PAXBP1: variants seen among roughly 807,000 people sequenced by gnomAD.
The protein encoded by PAXBP1 is PAX3 and PAX7 binding protein 1.
PAXBP1 carries 44 observed loss-of-function variants against 119.9 expected under a neutral mutation model. That is an observed-to-expected ratio of 0.37 (90% CI 0.29 to 0.47). The LOEUF (loss-of-function observed/expected upper bound fraction) is 0.47, where lower values mean the gene tolerates loss of function less well. PAXBP1 is among the 20% of genes least tolerant of loss of function. PAXBP1 has a pLI of 0.99. For missense variants in PAXBP1, 898 were observed against 1,134.1 expected, an observed-to-expected ratio of 0.79 and a Z score of 2.99; for synonymous variants, 393 against 406.6, an observed-to-expected ratio of 0.97 and a Z score of 0.40.
At chr21:32,762,856 A>C (rs1439275083) in intron 3 of PAXBP1, among the ~76,000 whole-genome samples, 3 of 150,052 alleles carry the variant, frequency 2.0e-5, no homozygotes, top group African/African-American at 4.9e-5. Flanking sequence ...GGTTGCAGTG[A>C]GCCGAGATTG....
In PAXBP1 at chr21:32,755,292, C is replaced by T; in HGVS notation, c.1445G>A (p.Arg482His). The part of the protein sequence containing the change: ...IHQLYKQRAS[R>H]LVQRRQDDIK... ...ATCATCTTGTCGTCTTTGGACAAGG[C>T]GGGAAGCTCGCTGTTTGTACAGCTG... The change falls in exon 8 of 18, where the codon CGC becomes CAC. Residue 482 changes from arginine to histidine, a missense_variant. This residue lies in a region of PAXBP1 where 599 missense variants were observed against 852.7 expected (regional missense o/e 0.70). Coordinates refer to ENST00000331923, the MANE Select transcript of PAXBP1 (RefSeq NM_016631.4). The T allele has an allele frequency of 6.2e-7, 1 of 1,613,444 alleles. No individual in the cohort carries two copies. Among genetic ancestry groups the T allele is most frequent in the Non-Finnish European group, 8.5e-7 (1 of 1,179,656 alleles).
At chr21:32,764,628 A>G in intron 2 of PAXBP1, 104 bp from the exon 3 acceptor site, 1 of 858,694 alleles carries the variant, frequency 1.2e-6, no homozygotes, top group Non-Finnish European at 1.7e-6. Context: ...AATTAAAAAA[A>G]GGGGAACTTT....
At chr21:32,756,461 A>G (rs1458829423) in intron 7 of PAXBP1, 2 of 485,458 alleles carry the variant, frequency 4.1e-6, no homozygotes, top group Non-Finnish European at 8.1e-6. Context: ...TTGCAAAAGT[A>G]GCAAATGTTC....
chr21:32,763,483 T>G (rs1429494744), intron 3 of PAXBP1, among the ~76,000 whole-genome samples: 1 of 152,190 alleles, frequency 6.6e-6, no homozygotes, highest in Non-Finnish European at 1.5e-5. Context: ...AGACTGCCAC[T>G]AGTGATGTAT....
At chr21:32,763,815 A>T (rs1314779392) in intron 3 of PAXBP1, among the ~76,000 whole-genome samples, 1 of 151,976 alleles carries the variant, frequency 6.6e-6, no homozygotes, top group Non-Finnish European at 1.5e-5. Flanking sequence ...GAGAAACCCC[A>T]TCTCTACTAA....
chr21:32,748,682 T>C lies in PAXBP1; in HGVS notation c.1740A>G (p.Glu580=), dbSNP rs759918754. The stretch of plus-strand genomic sequence containing the variant: ...GGACATCTTCAAAAACTTTGCCGGA[T>C]TCTTTTGAAATTCGATCTAAAAACA... ...FNLEKDRISK[E]SGKVFEDVLE... is the part of the protein sequence containing the mutation. Residue 580 remains glutamate (E), a synonymous_variant, in exon 11 of 18, where the codon GAA becomes GAG. Transcript: ENST00000331923. 35 of 1,610,538 alleles carry C rather than the reference T, an allele frequency of 2.2e-5. No individual in the cohort carries two copies. Among genetic ancestry groups the C allele is most frequent in the Admixed American group, 6.7e-5 (4 of 59,918 alleles).
Position 32,771,312 on chromosome 21 carries a change from A to G in PAXBP1, c.343+14T>C, listed in dbSNP as rs571763744. 74 of 1,572,202 alleles carry G rather than the reference A, an allele frequency of 4.7e-5. No individual in the cohort carries two copies. Among genetic ancestry groups the G allele is most frequent in the South Asian group, 2.9e-4 (26 of 89,834 alleles). ...GATGCGGCCGTCTAAGGGCGTCCGA[A>G]GCGCGCACTTTACCTTCCTCCTCGT... On this transcript the variant is annotated intron_variant, in intron 1 of 17. Transcript: ENST00000331923.
At position 32,771,557 on chromosome 21, in the gene PAXBP1, T is replaced by C. The variant is rs750353318; in HGVS notation, c.112A>G (p.Thr38Ala). Reference protein sequence around the residue: ...EPPPLLPPPGTGEEAGPGGGD... With the variant: ...EPPPLLPPPGAGEEAGPGGGD... ...CCACCGGGGCCCGCCTCTTCGCCCGTGCCCGGCGGCGGCAACAACGGCGGC... is the reference window on the plus strand; with the variant it reads ...CCACCGGGGCCCGCCTCTTCGCCCGCGCCCGGCGGCGGCAACAACGGCGGC... Residue 38 changes from threonine (T) to alanine (A), a missense_variant, in exon 1 of 18, where the codon ACG (threonine) becomes GCG (alanine). Physicochemically the swap from Thr to Ala is moderately conservative, Grantham distance 58. This residue lies in a region of PAXBP1 where 299 missense variants were observed against 281.4 expected (regional missense o/e 1.06). Transcript: ENST00000331923. 2 of 1,417,864 alleles carry C rather than the reference T, an allele frequency of 1.4e-6. No homozygotes were observed. Among genetic ancestry groups the C allele is most frequent in the South Asian group, 2.8e-5 (2 of 70,320 alleles). 87.8% of individuals were successfully genotyped at this position (1,417,864 alleles called of 1,614,324 possible).
At chr21:32,766,118 G>A (rs772508290) in intron 2 of PAXBP1, among the ~76,000 whole-genome samples, 5 of 152,154 alleles carry the variant, frequency 3.3e-5, no homozygotes, top group Admixed American at 6.5e-5. Context: ...CTGAGCAACA[G>A]AACGAGATTC....
Position 32,744,836 on chromosome 21 carries a change from T to C in PAXBP1, c.2146A>G (p.Asn716Asp). 1.2e-6 allele frequency: 2 copies of C among 1,606,020 alleles called. No individual in the cohort carries two copies. The highest frequency in any genetic ancestry group is 1.7e-6 in the Non-Finnish European group (2 of 1,175,230). Residue 716 changes from asparagine to aspartate, a missense_variant, in exon 13 of 18, where the codon AAT becomes GAT. Asn to Asp is a conservative substitution (Grantham distance 23, BLOSUM62 1). Transcript: ENST00000331923. ...RMVGITLKLI[N>D]GYPSVVNAEN... is the part of the protein sequence containing the mutation. ...GCATTCACTACTGAAGGATATCCAT[T>C]GATTAATTTTAGTGTAATTCCCACC...
At chr21:32,755,571 T>C (rs983781342) in intron 7 of PAXBP1, 14 of 390,852 alleles carry the variant, frequency 3.6e-5, no homozygotes, top group Non-Finnish European at 6.3e-5. Flanking sequence ...CAGTGCCTAG[T>C]TATTGGAGCA....
At chr21:32,745,260 C>T (rs879757949) in intron 12 of PAXBP1, among the ~76,000 whole-genome samples, 4 of 152,160 alleles carry the variant, frequency 2.6e-5, no homozygotes, top group Non-Finnish European at 4.4e-5. Flanking sequence ...CTTATGAAAG[C>T]ATTTTAATTG....
chr21:32,756,489 A>G, intron 7 of PAXBP1: 1 of 464,152 alleles, frequency 2.2e-6, no homozygotes, highest in South Asian at 1.6e-5. Flanking sequence ...GGTCAAACTA[A>G]TGGAGTTATT....
chr21:32,748,835 C>A, intron 10 of PAXBP1, 137 bp from the exon 11 acceptor site: 1 of 678,620 alleles, frequency 1.5e-6, no homozygotes, highest in Non-Finnish European at 2.3e-6. Context: ...TTGTTAGTCA[C>A]AATTTAGAAG....
In PAXBP1 at chr21:32,748,605, C is replaced by T. The variant is rs778713949; in HGVS notation, c.1817G>A (p.Arg606His). The change falls in exon 11 of 18, where the codon CGT becomes CAT. Residue 606 changes from arginine (R) to histidine (H), a missense_variant. Transcript: ENST00000331923. ...TTTGTAGGATGTGTAGTATTTTGAA[C>T]GCCATGCTTCAAACTGTGATTTAAT... Reference protein sequence around the residue: ...DCIKSQFEAWRSKYYTSYKDA... With the variant: ...DCIKSQFEAWHSKYYTSYKDA... The T allele has an allele frequency of 4.3e-6, 7 of 1,613,780 alleles. No individual in the cohort carries two copies. The highest frequency in any genetic ancestry group is 1.3e-5 in the African/African-American group (1 of 74,878).
chr21:32,769,066 C>T (rs2044289906), intron 2 of PAXBP1, among the ~76,000 whole-genome samples: 1 of 152,172 alleles, frequency 6.6e-6, no homozygotes, highest in Admixed American at 6.5e-5. Flanking sequence ...GAGATATTGT[C>T]TTCACATCTA....
intron 15 of PAXBP1, among the ~76,000 whole-genome samples, chr21:32,739,188 G>A (rs1265355081): frequency 6.6e-6 from 1 of 152,222 alleles, no homozygotes; most frequent in Non-Finnish European, 1.5e-5. Flanking sequence ...AGCTAGTACT[G>A]TTACAGATGC....
In PAXBP1 at chr21:32,771,315, G is replaced by T. The variant is rs2044342110; in HGVS notation, c.343+11C>A. 1.3e-6 allele frequency: 2 copies of T among 1,573,408 alleles called. No homozygotes were observed. The highest frequency in any genetic ancestry group is 1.7e-5 in the Admixed American group (1 of 58,312). On this transcript the variant is annotated intron_variant, in intron 1 of 17. Transcript: ENST00000331923. ...GCGGCCGTCTAAGGGCGTCCGAAGC[G>T]CGCACTTTACCTTCCTCCTCGTCCT... is the stretch of plus-strand genomic sequence containing the variant.
rs147555685 is a variant in PAXBP1 at position 32,768,790 on chromosome 21, C to A, written c.472+1024G>T. Among the ~76,000 whole-genome samples the A allele has an allele frequency of 2.0e-4, 30 of 152,364 alleles. 1 individual carries two copies. The East Asian group carries it at 5.0e-3, about 25-fold the overall frequency. On this transcript the variant is annotated intron_variant, in intron 2 of 17. Coordinates refer to ENST00000331923, the MANE Select transcript of PAXBP1 (RefSeq NM_016631.4). ...CATCCTTCACAATCTGTCAACGTAT[C>A]TTTCACATGAAACTTCTAACTACTT...
Sources: gnomAD v4.1 joint callset for allele counts (sites outside exome capture counted in the v4.1 genomes callset) on GRCh38, gnomAD v4.1.1 for gene constraint, gnomAD v4.1.1 regional missense constraint, MANE v1.5 for transcripts, NCBI Gene and HGNC (gene_info 2026-07-23, HGNC 2026-07-21) for gene names.